The following PRPF39 variants were observed in gnomAD, a reference collection of about 807,000 sequenced individuals.
PRPF39 encodes pre-mRNA-processing factor 39.
In PRPF39, 27 loss-of-function variants were observed where a neutral mutation model predicts 82.1. The ratio of observed to expected loss-of-function variants is 0.33; its 90% CI spans 0.24 to 0.45. The LOEUF (loss-of-function observed/expected upper bound fraction) is 0.45. PRPF39 is among the 20% of genes least tolerant of loss of function. The probability of loss-of-function intolerance (pLI) is 1.00; values close to 1 mark genes in which losing one functional copy is unlikely to be tolerated. For synonymous variants in PRPF39, 261 were observed against 256.4 expected (o/e 1.02, Z -0.17); for missense variants, 581 against 796.9 (o/e 0.73, Z 3.26).
At chr14:45,092,594 CTG>C in intron 1 of PRPF39, among the ~76,000 whole-genome samples, 1 of 121,798 alleles carries the variant, frequency 8.2e-6, no homozygotes, top group African/African-American at 3.5e-5. Flanking sequence ...GATCGAGACT[CTG>C]TCTCAAAAAA....
chr14:45,107,739 G>A, intron 6 of PRPF39, 123 bp downstream of exon 6: 1 of 930,870 alleles, frequency 1.1e-6, no homozygotes, highest in Middle Eastern at 2.3e-4. Context: ...GACCCATGTA[G>A]GCAACATGGT....
intron 2 of PRPF39, 155 bp downstream of exon 2, chr14:45,095,718 A>G (rs1480890855): frequency 1.0e-6 from 1 of 998,890 alleles, no homozygotes; most frequent in Admixed American, 3.0e-5. Context: ...AGCTTTGAAA[A>G]TAGCTTACAG....
In PRPF39 at chr14:45,088,729, A is replaced by G. The variant is rs190122168; in HGVS notation, c.-20+4480A>G. ...ATTAATAGCTAGTAATTGAAGTTAT[A>G]GCAGTGCAGATGACATGCTTTCATT... On this transcript the variant is annotated intron_variant, in intron 1 of 13. Coordinates refer to ENST00000355765, the MANE Select transcript of PRPF39 (RefSeq NM_017922.4). 7.5e-4 allele frequency among the ~76,000 whole-genome samples: 114 copies of G among 152,384 alleles called. 2 individuals carry two copies. The highest frequency in any genetic ancestry group is 2.6e-3 in the African/African-American group (109 of 41,600).
chr14:45,098,236 C>T (rs975869183), intron 4 of PRPF39, among the ~76,000 whole-genome samples: 1 of 152,062 alleles, frequency 6.6e-6, no homozygotes, highest in Non-Finnish European at 1.5e-5. Context: ...GCTGTGATTG[C>T]ACCACTGCAC....
At chr14:45,090,676 A>C (rs928227524) in intron 1 of PRPF39, among the ~76,000 whole-genome samples, 15 of 152,054 alleles carry the variant, frequency 9.9e-5, no homozygotes, top group Non-Finnish European at 1.5e-4. Context: ...TTTTTTCAAT[A>C]ATCTTTCACT....
chr14:45,092,523 C>G (rs1315256915), intron 1 of PRPF39, among the ~76,000 whole-genome samples: 1 of 151,124 alleles, frequency 6.6e-6, no homozygotes, highest in African/African-American at 2.4e-5. Context: ...ATCGCTTGAA[C>G]CCGGAAGGCG....
intron 5 of PRPF39, 37 bp from the exon 6 acceptor site, chr14:45,107,414 T>C (rs1884569085): frequency 1.4e-6 from 2 of 1,409,790 alleles, no homozygotes; most frequent in Admixed American, 4.4e-5. Context: ...TCTAAAATTA[T>C]GATTCAAATA....
At chr14:45,108,251 T>A (rs1884600007) in intron 6 of PRPF39, among the ~76,000 whole-genome samples, 164 bp from the exon 7 acceptor site, 1 of 152,188 alleles carries the variant, frequency 6.6e-6, no homozygotes, top group Admixed American at 6.5e-5. Context: ...GTGATAAGTT[T>A]TAGTGTTGTT....
chr14:45,109,180 C>T (rs1311894547), intron 7 of PRPF39, among the ~76,000 whole-genome samples: 2 of 152,132 alleles, frequency 1.3e-5, no homozygotes, highest in African/African-American at 2.4e-5. Flanking sequence ...AATATGGAAT[C>T]ATTTCACAGA....
chr14:45,091,425 G>A (rs1035811610), intron 1 of PRPF39, among the ~76,000 whole-genome samples: 1 of 152,174 alleles, frequency 6.6e-6, no homozygotes, highest in East Asian at 1.9e-4. Context: ...ATAGGTGTGA[G>A]CCACCTTTCC....
In PRPF39 at chr14:45,104,488, G is replaced by T. The variant is rs185501756; in HGVS notation, c.737+1792G>T. 6.0e-4 allele frequency among the ~76,000 whole-genome samples: 91 copies of T among 151,878 alleles called. 1 individual carries two copies. Among genetic ancestry groups the T allele is most frequent in the Middle Eastern group, 3.4e-3 (1 of 294 alleles). On this transcript the variant is annotated intron_variant, in intron 5 of 13. Coordinates refer to ENST00000355765, the MANE Select transcript of PRPF39 (RefSeq NM_017922.4). ...TAAAGTCATTTATTTAGCATTTGCTGTGTACCTGTTGATAGGCTATTTAAG... is the reference window on the plus strand; with the variant it reads ...TAAAGTCATTTATTTAGCATTTGCTTTGTACCTGTTGATAGGCTATTTAAG...
In PRPF39 at chr14:45,115,283, T is replaced by C. The variant is rs979203798; in HGVS notation, c.*370T>C. ...TCTGAAAACACATAAGGGCTGGTTA[T>C]TTACCTCCTTTTTTTTTTTTTTTTT... On this transcript the variant is annotated 3_prime_UTR_variant, in exon 14 of 14. Coordinates refer to ENST00000355765, the MANE Select transcript of PRPF39 (RefSeq NM_017922.4). The C allele has an allele frequency of 6.6e-6, 1 of 151,060 alleles. No homozygotes were observed. The highest frequency in any genetic ancestry group is 2.5e-5 in the African/African-American group (1 of 39,608). The allele number at this position is 151,060 out of a possible 1,614,324, so 9.4% of individuals were successfully genotyped here.
Position 45,084,240 on chromosome 14 carries a change from C to T in PRPF39, c.-29C>T, listed in dbSNP as rs1194574118. 2 of 152,980 alleles carry T rather than the reference C, an allele frequency of 1.3e-5. No homozygotes were observed. Among genetic ancestry groups the T allele is most frequent in the African/African-American group, 2.4e-5 (1 of 41,452 alleles). 9.5% of individuals were successfully genotyped at this position (152,980 alleles called of 1,614,324 possible). On this transcript the variant is annotated 5_prime_UTR_variant, in exon 1 of 14. Coordinates refer to ENST00000355765, the MANE Select transcript of PRPF39 (RefSeq NM_017922.4). ...TCCGGCTCATGGCATCAAGTGGCAT[C>T]CATCATAAGGTCTGCTGGGGCGGGC...
At chr14:45,114,715 T>C (rs1431639087) in intron 13 of PRPF39, 101 bp downstream of exon 13, 1 of 1,442,864 alleles carries the variant, frequency 6.9e-7, no homozygotes, top group Non-Finnish European at 9.4e-7. Context: ...AATTGTGTAA[T>C]ACATTCTTTG....
At position 45,114,898 on chromosome 14, in the gene PRPF39, T is replaced by A; in HGVS notation, c.1995T>A (p.Pro665=). The A allele has an allele frequency of 6.3e-7, 1 of 1,597,460 alleles. No homozygotes were observed. Among genetic ancestry groups the A allele is most frequent in the South Asian group, 1.1e-5 (1 of 90,518 alleles). The change falls in exon 14 of 14, where the codon CCT becomes CCA. Residue 665 remains proline, a synonymous_variant. Transcript: ENST00000355765. Reference sequence around the variant, plus strand: ...CTTGGAATTATGGACAATATTATCCTCCCCCTCCAACCTGATGGGAAAAAT... The same window carrying A: ...CTTGGAATTATGGACAATATTATCCACCCCCTCCAACCTGATGGGAAAAAT... The part of the protein sequence containing the change: ...QNPWNYGQYY[P]PPPT
intron 1 of PRPF39, among the ~76,000 whole-genome samples, chr14:45,092,198 T>C (rs567965971): frequency 1.9e-4 from 29 of 152,348 alleles, no homozygotes; most frequent in Non-Finnish European, 3.5e-4. Context: ...ATTGCTGCTT[T>C]GAATGAAATC....
intron 4 of PRPF39, 45 bp from the exon 5 acceptor site, chr14:45,102,484 G>T: frequency 1.4e-6 from 2 of 1,440,470 alleles, no homozygotes; most frequent in South Asian, 2.7e-5. Context: ...TTTTAAAAGT[G>T]ATTTTATCTT....
At position 45,096,669 on chromosome 14, in the gene PRPF39, A is replaced by C. The variant is rs1665498629; in HGVS notation, c.451-218A>C. The C allele has an allele frequency of 2.0e-6, 3 of 1,508,494 alleles. No individual in the cohort carries two copies. The African/African-American group carries it at 4.1e-5, about 21-fold the overall frequency. The allele number at this position is 1,508,494 out of a possible 1,614,324, so 93.4% of individuals were successfully genotyped here. On this transcript the variant is annotated intron_variant, in intron 3 of 13. Transcript: ENST00000355765. ...CAAAGCCTGCCCACACAACCCGGTC[A>C]GAATGCAGGGACTGCTGCGCTTTGA...
intron 10 of PRPF39, 117 bp from the exon 11 acceptor site, chr14:45,112,201 T>C (rs1884718539): frequency 1.1e-6 from 1 of 943,080 alleles, no homozygotes; most frequent in African/African-American, 1.7e-5. Context: ...ATGAGTTGTA[T>C]TTTAATACAA....
Sources: gnomAD v4.1 joint callset for allele counts (sites outside exome capture counted in the v4.1 genomes callset) on GRCh38, gnomAD v4.1.1 for gene constraint, MANE v1.5 for transcripts, NCBI Gene and HGNC (gene_info 2026-07-23, HGNC 2026-07-21) for gene names.